The following TMOD3 variants were observed in gnomAD, a reference collection of about 807,000 sequenced individuals.
TMOD3 encodes the protein tropomodulin 3.
TMOD3 carries 20 observed loss-of-function variants against 39.2 expected under a neutral mutation model. The ratio of observed to expected loss-of-function variants is 0.51; its 90% confidence interval spans 0.36 to 0.74. TMOD3 has a LOEUF of 0.74. TMOD3 is among the 30% of genes least tolerant of loss of function. TMOD3 has a pLI of 0.00. For missense variants in TMOD3, 381 were observed against 412.8 expected, an observed-to-expected ratio of 0.92 and a Z score of 0.67; for synonymous variants, 143 against 145.8, an observed-to-expected ratio of 0.98 and a Z score of 0.14.
chr15:51,908,532 C>G (rs2056693570), intron 9 of TMOD3, among the ~76,000 whole-genome samples: 1 of 151,472 alleles, frequency 6.6e-6, no homozygotes, highest in Non-Finnish European at 1.5e-5. Flanking sequence ...AGTCATTGAG[C>G]TTAGGGCATG....
At chr15:51,870,378 A>G (rs1171867338) in intron 3 of TMOD3, among the ~76,000 whole-genome samples, 3 of 152,260 alleles carry the variant, frequency 2.0e-5, no homozygotes, top group Non-Finnish European at 2.9e-5. Context: ...AATACTGTGT[A>G]TAGAATACTG....
At chr15:51,879,743 G>A (rs911058066) in intron 3 of TMOD3, among the ~76,000 whole-genome samples, 1 of 152,032 alleles carries the variant, frequency 6.6e-6, no homozygotes, top group East Asian at 1.9e-4. Flanking sequence ...TGACTAACCA[G>A]TCTTCATTTT....
At chr15:51,893,730 A>G in intron 5 of TMOD3, 85 bp from the exon 6 acceptor site, 5 of 1,321,416 alleles carry the variant, frequency 3.8e-6, no homozygotes, top group Non-Finnish European at 5.0e-6. Context: ...GTGCCACTGC[A>G]CTCCGGCCTG....
At chr15:51,837,123 C>CATA (rs1248482659) in intron 1 of TMOD3, among the ~76,000 whole-genome samples, 8 of 151,922 alleles carry the variant, frequency 5.3e-5, no homozygotes, top group African/African-American at 1.9e-4. Flanking sequence ...TTTCCTTAAC[C>CATA]ATAGCATAGC....
At chr15:51,900,069 A>ATGTTC (rs1555388484) in intron 7 of TMOD3, 86 bp from the exon 8 acceptor site, 1 of 1,300,746 alleles carries the variant, frequency 7.7e-7, no homozygotes, top group Non-Finnish European at 1.1e-6. Flanking sequence ...TAAGGCAGTT[A>ATGTTC]ATTAATGTAT....
At position 51,861,801 on chromosome 15, in the gene TMOD3, G is replaced by A. The variant is rs544787936; in HGVS notation, c.-74-1010G>A. ...GCCTCCTGAGTAGCTGGGACCGCAG[G>A]TGTATACCACCACACCTGGCTGATG... On this transcript the variant is annotated intron_variant, in intron 1 of 9. Coordinates refer to ENST00000308580, the MANE Select transcript of TMOD3 (RefSeq NM_014547.5). Among the ~76,000 whole-genome samples, 8 of 152,058 alleles carry A rather than the reference G, an allele frequency of 5.3e-5. 1 individual carries two copies. In the South Asian group the frequency reaches 1.7e-3, roughly 32 times the overall value.
intron 3 of TMOD3, among the ~76,000 whole-genome samples, chr15:51,886,567 G>T (rs2056565000): frequency 6.6e-6 from 1 of 152,218 alleles, no homozygotes; most frequent in Admixed American, 6.5e-5. Context: ...TGGGCAGGCT[G>T]AGGCAGGAGA....
intron 4 of TMOD3, 58 bp downstream of exon 4, chr15:51,887,769 G>C: frequency 6.2e-7 from 1 of 1,604,010 alleles, no homozygotes; most frequent in Non-Finnish European, 8.5e-7. Context: ...GGAAATACCA[G>C]CACATACCTA....
intron 1 of TMOD3, among the ~76,000 whole-genome samples, chr15:51,839,292 C>T (rs185176231): frequency 2.6e-5 from 4 of 151,638 alleles, no homozygotes; most frequent in Admixed American, 2.6e-4. Context: ...ACCTTAGCTG[C>T]CCAAGTAGCT....
chr15:51,886,272 GGGCAGAGGCTGCAA>G (rs2056562579), intron 3 of TMOD3, among the ~76,000 whole-genome samples: 2 of 152,162 alleles, frequency 1.3e-5, no homozygotes, highest in African/African-American at 4.8e-5. Flanking sequence ...GGTGGCGGCC[GGGCAGAGGCTGCAA>G]TCTGGGCACT....
In TMOD3 at chr15:51,891,738, T is replaced by G. The variant is rs193162257; in HGVS notation, c.497-2077T>G. Among the ~76,000 whole-genome samples the G allele has an allele frequency of 7.3e-5, 11 of 151,222 alleles. No individual in the cohort carries two copies. The East Asian group carries it at 1.8e-3, about 25-fold the overall frequency. On this transcript the variant is annotated intron_variant, in intron 5 of 9. Coordinates refer to ENST00000308580, the MANE Select transcript of TMOD3 (RefSeq NM_014547.5). ...AAATTAGAACTATTCAATTTTCCAT[T>G]CAATGAGGAAGTTCTTCCCTAGCTA...
intron 1 of TMOD3, among the ~76,000 whole-genome samples, chr15:51,835,915 C>G (rs1185815505): frequency 6.6e-6 from 1 of 152,010 alleles, no homozygotes; most frequent in Non-Finnish European, 1.5e-5. Context: ...AATGCTGTCT[C>G]CCTTAGGTAG....
At chr15:51,879,856 TCACACACACACACA>T (rs68117829) in intron 3 of TMOD3, among the ~76,000 whole-genome samples, 1 of 142,658 alleles carries the variant, frequency 7.0e-6, no homozygotes, top group African/African-American at 2.6e-5. Context: ...TCTCTGTCTT[TCACACACACACACA>T]CACACACACA....
At chr15:51,838,276 C>T (rs976719564) in intron 1 of TMOD3, among the ~76,000 whole-genome samples, 2 of 152,168 alleles carry the variant, frequency 1.3e-5, no homozygotes, top group African/African-American at 4.8e-5. Flanking sequence ...AATTTCTGTA[C>T]ACTAATAGCC....
intron 3 of TMOD3, among the ~76,000 whole-genome samples, chr15:51,872,125 A>G (rs1027297481): frequency 2.6e-5 from 4 of 152,160 alleles, no homozygotes; most frequent in Non-Finnish European, 4.4e-5. Context: ...CGGACGCGGT[A>G]GCTCAACGCC....
chr15:51,851,623 C>G (rs1483288801), intron 1 of TMOD3, among the ~76,000 whole-genome samples: 1 of 152,072 alleles, frequency 6.6e-6, no homozygotes, highest in African/African-American at 2.4e-5. Flanking sequence ...CCAAGAAACT[C>G]TTTTTAAAGC....
At chr15:51,860,274 A>T (rs2056410475) in intron 1 of TMOD3, 1 of 523,616 alleles carries the variant, frequency 1.9e-6, no homozygotes, top group African/African-American at 1.9e-5. Flanking sequence ...TGACACATGA[A>T]ATTCTGCACC....
At chr15:51,869,600 T>G (rs2056464921) in intron 3 of TMOD3, among the ~76,000 whole-genome samples, 1 of 152,248 alleles carries the variant, frequency 6.6e-6, no homozygotes, top group African/African-American at 2.4e-5. Flanking sequence ...ACACAATGAT[T>G]TTGAATAACA....
At chr15:51,859,249 A>G in intron 1 of TMOD3, 1 of 742,738 alleles carries the variant, frequency 1.3e-6, no homozygotes, top group Non-Finnish European at 2.5e-6. Flanking sequence ...TCTCCCTGCA[A>G]CATTTTCATT....
Sources: gnomAD v4.1 joint callset for allele counts (sites outside exome capture counted in the v4.1 genomes callset) on GRCh38, gnomAD v4.1.1 for gene constraint, MANE v1.5 for transcripts, NCBI Gene and HGNC (gene_info 2026-07-23, HGNC 2026-07-21) for gene names.